NAV2: variants seen among roughly 807,000 people sequenced by gnomAD.
The protein encoded by NAV2 is neuron navigator 2.
In NAV2, 54 loss-of-function variants were observed where a neutral mutation model predicts 223.2. The observed-to-expected ratio is 0.24, with a 90% confidence interval of 0.19 to 0.30. The LOEUF (loss-of-function observed/expected upper bound fraction) is 0.30, where lower values mean the gene tolerates loss of function less well. NAV2 is among the 10% of genes least tolerant of loss of function. NAV2 has a pLI of 1.00. For synonymous variants in NAV2, 1,279 were observed against 1,239.3 expected (o/e 1.03, Z -0.67); for missense variants, 2,806 against 3,147.5 (o/e 0.89, Z 2.60).
At chr11:19,695,942 T>G (rs1432974462) in intron 1 of NAV2, among the ~76,000 whole-genome samples, 1 of 71,452 alleles carries the variant, frequency 1.4e-5, no homozygotes, top group African/African-American at 3.8e-5. Context: ...CTGCTTTTTT[T>G]TTTTTCTAAT....
intron 29 of NAV2, among the ~76,000 whole-genome samples, chr11:20,094,166 A>G (rs903622342): frequency 2.0e-5 from 3 of 151,730 alleles, no homozygotes; most frequent in Non-Finnish European, 4.4e-5. Flanking sequence ...TTTTCAAAAC[A>G]TAGCTAGTAA....
chr11:19,457,247 T>A (rs1439106849), intron 1 of NAV2, among the ~76,000 whole-genome samples: 3 of 152,040 alleles, frequency 2.0e-5, no homozygotes, highest in African/African-American at 7.3e-5. Flanking sequence ...TGTGAAGAAA[T>A]CAAAATAGAG....
At position 19,602,432 on chromosome 11, in the gene NAV2, T is replaced by C. The variant is rs866173101; in HGVS notation, c.76-230052T>C. On this transcript the variant is annotated intron_variant, in intron 1 of 37. Transcript: ENST00000360655. ...ACCTCATGATCTTCCTGCTTCGGCC[T>C]CCCAAAGTGCTGGGATGACAGGCAT... is the stretch of plus-strand genomic sequence containing the variant. Among the ~76,000 whole-genome samples the C allele has an allele frequency of 8.5e-5, 13 of 152,194 alleles. No homozygotes were observed. The South Asian group carries it at 2.7e-3, about 32-fold the overall frequency.
intron 1 of NAV2, among the ~76,000 whole-genome samples, chr11:19,676,392 T>C (rs755313405): frequency 2.6e-5 from 4 of 152,148 alleles, no homozygotes; most frequent in Non-Finnish European, 5.9e-5. Context: ...CTACCAATCC[T>C]AGTGATTCAC....
chr11:19,476,560 G>A (rs2042121590), intron 1 of NAV2, among the ~76,000 whole-genome samples: 1 of 151,806 alleles, frequency 6.6e-6, no homozygotes, highest in South Asian at 2.1e-4. Flanking sequence ...AAAAAAAGGT[G>A]GGGGGCAGTT....
intron 1 of NAV2, among the ~76,000 whole-genome samples, chr11:19,702,090 A>G (rs540279240): frequency 6.6e-6 from 1 of 152,288 alleles, no homozygotes; most frequent in African/African-American, 2.4e-5. Flanking sequence ...GGCCACCAAC[A>G]TCATTAGTTA....
At chr11:19,564,537 T>C (rs2134810113) in intron 1 of NAV2, among the ~76,000 whole-genome samples, 1 of 152,306 alleles carries the variant, frequency 6.6e-6, no homozygotes, top group East Asian at 1.9e-4. Flanking sequence ...GGCAGAGCTC[T>C]GATCTGGGCG....
chr11:19,789,052 G>A (rs991115341), intron 1 of NAV2, among the ~76,000 whole-genome samples: 4 of 152,060 alleles, frequency 2.6e-5, no homozygotes, highest in Admixed American at 2.0e-4. Flanking sequence ...CATAAGATAG[G>A]TGCTCAGTAA....
At chr11:19,562,310 C>T (rs922061369) in intron 1 of NAV2, among the ~76,000 whole-genome samples, 2 of 152,138 alleles carry the variant, frequency 1.3e-5, no homozygotes, top group African/African-American at 2.4e-5. Flanking sequence ...GACCACCAAC[C>T]CTTTGGGGCA....
chr11:19,820,802 C>T (rs2059329292), intron 1 of NAV2, among the ~76,000 whole-genome samples: 1 of 152,202 alleles, frequency 6.6e-6, no homozygotes, highest in African/African-American at 2.4e-5. Flanking sequence ...CGTATTGGAG[C>T]TGTTACTCCA....
intron 10 of NAV2, among the ~76,000 whole-genome samples, chr11:19,965,816 A>G (rs7106847): frequency 0.83 from 125,886 of 152,268 alleles, 52,727 homozygotes; most frequent in African/African-American, 0.96. Context: ...GACAAGATAT[A>G]GCAGAGATGG....
At chr11:19,365,220 T>C (rs1848234952) in intron 1 of NAV2, among the ~76,000 whole-genome samples, 1 of 152,214 alleles carries the variant, frequency 6.6e-6, no homozygotes, top group Non-Finnish European at 1.5e-5. Flanking sequence ...TCCAGTTTTC[T>C]CCAACCATCT....
At chr11:19,667,997 C>G (rs750086664) in intron 1 of NAV2, among the ~76,000 whole-genome samples, 14 of 152,130 alleles carry the variant, frequency 9.2e-5, no homozygotes, top group Non-Finnish European at 1.5e-5. Flanking sequence ...CCTGTCTTAG[C>G]TAAATCCCCC....
intron 35 of NAV2, 26 bp downstream of exon 35, chr11:20,105,753 G>A (rs185069064): frequency 6.3e-7 from 1 of 1,592,464 alleles, no homozygotes. Context: ...GGGTCAGGGG[G>A]GCGGGCTGGC....
At chr11:19,415,864 T>C (rs529571018) in intron 1 of NAV2, among the ~76,000 whole-genome samples, 73 of 152,296 alleles carry the variant, frequency 4.8e-4, no homozygotes, top group African/African-American at 1.8e-3. Context: ...TCTCAGTAGA[T>C]GCAGAAAAGG....
At chr11:19,850,444 G>A (rs1039911530) in intron 3 of NAV2, among the ~76,000 whole-genome samples, 4 of 152,156 alleles carry the variant, frequency 2.6e-5, no homozygotes, top group African/African-American at 7.2e-5. Flanking sequence ...ATGGACAGAC[G>A]GAAAGACCAG....
intron 1 of NAV2, among the ~76,000 whole-genome samples, chr11:19,630,922 C>CA (rs10642100): frequency 0.72 from 72,238 of 100,084 alleles, 27,679 homozygotes; most frequent in East Asian, 0.84. Context: ...GGTCCTGTTG[C>CA]AAAAAAAAAA....
At chr11:19,827,556 G>C (rs2059702466) in intron 1 of NAV2, among the ~76,000 whole-genome samples, 1 of 152,154 alleles carries the variant, frequency 6.6e-6, no homozygotes, top group South Asian at 2.1e-4. Context: ...ACATTGCCCA[G>C]GGCCAAGGGC....
intron 1 of NAV2, among the ~76,000 whole-genome samples, chr11:19,474,937 A>G (rs2042071597): frequency 6.6e-6 from 1 of 152,216 alleles, no homozygotes; most frequent in Non-Finnish European, 1.5e-5. Context: ...TAAGCTTTAC[A>G]AAGCTGCCAG....
Sources: allele counts gnomAD v4.1 joint callset (sites outside exome capture counted in the v4.1 genomes callset), GRCh38; gene constraint gnomAD v4.1.1; transcripts MANE v1.5; gene names NCBI Gene and HGNC (gene_info 2026-07-23, HGNC 2026-07-21).